Variants in ZNF277 observed in about 807,000 individuals in gnomAD.
ZNF277 encodes the protein zinc finger protein 277.
ZNF277 carries 55 observed loss-of-function variants against 60.7 expected under a neutral mutation model. The observed-to-expected ratio is 0.91, with a 90% CI of 0.73 to 1.13. The LOEUF (loss-of-function observed/expected upper bound fraction) is 1.13. Ranked by LOEUF, ZNF277 falls within the 50% of genes most tolerant of loss-of-function variation. The probability of loss-of-function intolerance (pLI) is 0.00; values close to 1 mark genes in which losing one functional copy is unlikely to be tolerated. For missense variants in ZNF277, 510 were observed against 523.0 expected (o/e 0.98, Z 0.24); for synonymous variants, 178 against 179.3 (o/e 0.99, Z 0.06).
intron 1 of ZNF277, among the ~76,000 whole-genome samples, chr7:112,286,201 A>C (rs1792059489): frequency 6.6e-6 from 1 of 152,192 alleles, no homozygotes; most frequent in African/African-American, 2.4e-5. Flanking sequence ...TTACCACATC[A>C]CATATGTCTA....
intron 4 of ZNF277, among the ~76,000 whole-genome samples, chr7:112,303,927 G>A (rs1792535653): frequency 6.6e-6 from 1 of 151,996 alleles, no homozygotes; most frequent in Admixed American, 6.6e-5. Context: ...CTTTATCATT[G>A]CAGTTTCAGA....
intron 1 of ZNF277, among the ~76,000 whole-genome samples, chr7:112,247,676 C>T (rs575618320): frequency 1.4e-4 from 21 of 152,060 alleles, no homozygotes; most frequent in Admixed American, 4.6e-4. Context: ...GAGATTGTAA[C>T]ATAATAGGCA....
At chr7:112,254,177 A>G (rs902795474) in intron 1 of ZNF277, among the ~76,000 whole-genome samples, 1 of 152,374 alleles carries the variant, frequency 6.6e-6, no homozygotes, top group Admixed American at 6.5e-5. Context: ...TCAGAAAGCA[A>G]TAAACCACAT....
chr7:112,309,408 A>T (rs1267476248), intron 4 of ZNF277, among the ~76,000 whole-genome samples: 3 of 151,948 alleles, frequency 2.0e-5, no homozygotes, highest in Admixed American at 6.5e-5. Context: ...GAAAAATTTC[A>T]TAATTTCCCT....
chr7:112,297,733 C>G (rs556418382), intron 4 of ZNF277, among the ~76,000 whole-genome samples: 2 of 152,128 alleles, frequency 1.3e-5, no homozygotes, highest in Admixed American at 1.3e-4. Flanking sequence ...ATGTTATTTG[C>G]GTGCACTTAT....
At chr7:112,245,835 G>A (rs1791070521) in intron 1 of ZNF277, among the ~76,000 whole-genome samples, 1 of 152,080 alleles carries the variant, frequency 6.6e-6, no homozygotes, top group African/African-American at 2.4e-5. Flanking sequence ...TCCAAATAAG[G>A]TCATATTCTG....
chr7:112,341,011 G>A lies in ZNF277; in HGVS notation c.1149G>A (p.Ser383=), dbSNP rs193143560. The A allele has an allele frequency of 1.9e-6, 3 of 1,602,218 alleles. No homozygotes were observed. Among genetic ancestry groups the A allele is most frequent in the Admixed American group, 1.7e-5 (1 of 57,904 alleles). Residue 383 remains serine (S), a synonymous_variant, in exon 11 of 12, where the codon TCG becomes TCA. Coordinates refer to ENST00000361822, the MANE Select transcript of ZNF277 (RefSeq NM_021994.3). ...RTHMEETKHT[S]LLPDRKTWDQ... ...ACATGGAAGAAACTAAACACACTTC[G>A]CTGCTCCCCGATAGAAAGACGTGGG...
At chr7:112,319,688 ATAAATTTATAAAT>A (rs1462975689) in intron 5 of ZNF277, among the ~76,000 whole-genome samples, 1 of 147,652 alleles carries the variant, frequency 6.8e-6, no homozygotes, top group South Asian at 2.1e-4. Flanking sequence ...TATAAATTAT[ATAAATTTATAAAT>A]TAAATTTATA....
rs1793481384 is a variant in ZNF277 at position 112,343,394 on chromosome 7, A to G, written c.*665A>G. Among the ~76,000 whole-genome samples the G allele has an allele frequency of 1.3e-5, 2 of 152,030 alleles. No individual in the cohort carries two copies. Among genetic ancestry groups the G allele is most frequent in the Non-Finnish European group, 2.9e-5 (2 of 68,024 alleles). On this transcript the variant is annotated 3_prime_UTR_variant, in exon 12 of 12. Coordinates refer to ENST00000361822, the MANE Select transcript of ZNF277 (RefSeq NM_021994.3). ...TGTATGTCACTAACATTTAAATGCC[A>G]TTTTTTAAAAACATAACCACAATAC...
intron 2 of ZNF277, among the ~76,000 whole-genome samples, chr7:112,290,157 A>G (rs1171206045): frequency 6.6e-6 from 1 of 152,160 alleles, no homozygotes; most frequent in Non-Finnish European, 1.5e-5. Flanking sequence ...CTTTTATCAT[A>G]TAAACACAAA....
intron 1 of ZNF277, among the ~76,000 whole-genome samples, chr7:112,235,469 G>A (rs2116984494): frequency 6.6e-6 from 1 of 152,144 alleles, no homozygotes; most frequent in Non-Finnish European, 1.5e-5. Flanking sequence ...GTATGAAGTA[G>A]TATCTTATTA....
At chr7:112,279,629 G>T (rs1213193999) in intron 1 of ZNF277, among the ~76,000 whole-genome samples, 1 of 152,110 alleles carries the variant, frequency 6.6e-6, no homozygotes, top group Non-Finnish European at 1.5e-5. Context: ...CCAGCTCCCT[G>T]CCTAGTCGAA....
At chr7:112,231,793 C>T (rs1822338718) in intron 1 of ZNF277, among the ~76,000 whole-genome samples, 2 of 151,958 alleles carry the variant, frequency 1.3e-5, no homozygotes, top group South Asian at 4.1e-4. Flanking sequence ...AACCACGGAA[C>T]TTTGTTAATT....
intron 1 of ZNF277, among the ~76,000 whole-genome samples, chr7:112,245,897 A>G (rs1791071567): frequency 6.6e-6 from 1 of 152,214 alleles, no homozygotes; most frequent in Non-Finnish European, 1.5e-5. Flanking sequence ...AATTCAGCAC[A>G]TATCACTGGA....
intron 1 of ZNF277, among the ~76,000 whole-genome samples, chr7:112,282,855 A>C (rs1791978900): frequency 6.6e-6 from 1 of 152,092 alleles, no homozygotes; most frequent in Non-Finnish European, 1.5e-5. Context: ...AGGTCATTTC[A>C]CCTCTCACCC....
chr7:112,318,958 GGATACA>G (rs1258226911), intron 5 of ZNF277, among the ~76,000 whole-genome samples: 4 of 152,042 alleles, frequency 2.6e-5, no homozygotes, highest in African/African-American at 9.7e-5. Context: ...TTACTATAAA[GGATACA>G]GATTAGAAAC....
chr7:112,264,899 G>C (rs1272986134), intron 1 of ZNF277, among the ~76,000 whole-genome samples: 1 of 152,172 alleles, frequency 6.6e-6, no homozygotes, highest in Non-Finnish European at 1.5e-5. Context: ...TCAGTGAGTT[G>C]TCATCTTTTT....
intron 1 of ZNF277, among the ~76,000 whole-genome samples, chr7:112,218,637 CT>C (rs1301387658): frequency 7.2e-5 from 11 of 152,184 alleles, no homozygotes; most frequent in Admixed American, 6.5e-5. Flanking sequence ...CCCCTAGCCC[CT>C]GGTACCTATC....
chr7:112,272,792 C>T (rs955432789), intron 1 of ZNF277, among the ~76,000 whole-genome samples: 1 of 152,154 alleles, frequency 6.6e-6, no homozygotes, highest in Non-Finnish European at 1.5e-5. Flanking sequence ...CTGTACCCGG[C>T]CTTATTTTTA....
Sources: gnomAD v4.1 joint callset for allele counts (sites outside exome capture counted in the v4.1 genomes callset) on GRCh38, gnomAD v4.1.1 for gene constraint, MANE v1.5 for transcripts, NCBI Gene and HGNC (gene_info 2026-07-23, HGNC 2026-07-21) for gene names.